LRMDA: variants seen among roughly 807,000 people sequenced by gnomAD.
LRMDA encodes leucine-rich melanocyte differentiation-associated protein.
LRMDA carries 18 observed loss-of-function variants against 29.8 expected under a neutral mutation model. The observed-to-expected ratio is 0.60, with a 90% CI of 0.42 to 0.90. The LOEUF (loss-of-function observed/expected upper bound fraction) is 0.90. Among genes scored for constraint, LRMDA ranks in the 40% least tolerant of loss-of-function variants. The pLI is 0.00. For synonymous variants in LRMDA, 125 were observed against 109.4 expected (o/e 1.14, Z -0.89); for missense variants, 273 against 273.9 (o/e 1.00, Z 0.02).
chr10:75,901,049 C>T (rs1845662334), intron 2 of LRMDA, among the ~76,000 whole-genome samples: 1 of 151,996 alleles, frequency 6.6e-6, no homozygotes, highest in African/African-American at 2.4e-5. Flanking sequence ...CAACAACAGA[C>T]AATTCAAGAT....
At chr10:76,360,106 A>G (rs1342485222) in intron 6 of LRMDA, among the ~76,000 whole-genome samples, 1 of 152,100 alleles carries the variant, frequency 6.6e-6, no homozygotes, top group Non-Finnish European at 1.5e-5. Flanking sequence ...CTCCTGCCTC[A>G]GCCTCCTGAG....
intron 5 of LRMDA, among the ~76,000 whole-genome samples, chr10:76,278,192 T>A (rs1480556253): frequency 3.9e-5 from 6 of 152,056 alleles, no homozygotes; most frequent in Non-Finnish European, 7.4e-5. Context: ...AACCCTAGAG[T>A]CTTCTGGCTC....
intron 2 of LRMDA, among the ~76,000 whole-genome samples, chr10:75,567,076 C>G (rs1202725306): frequency 1.3e-5 from 2 of 152,220 alleles, no homozygotes; most frequent in Non-Finnish European, 2.9e-5. Flanking sequence ...CCTGAACCAT[C>G]TAAGAGCCTG....
At chr10:76,266,694 C>G (rs144480670) in intron 5 of LRMDA, among the ~76,000 whole-genome samples, 405 of 152,254 alleles carry the variant, frequency 2.7e-3, no homozygotes, top group Non-Finnish European at 4.7e-3. Flanking sequence ...TTATTTATAA[C>G]TCAGTATATT....
chr10:75,846,231 TTAAAC>T (rs142487616), intron 2 of LRMDA, among the ~76,000 whole-genome samples: 453 of 149,172 alleles, frequency 3.0e-3, no homozygotes, highest in African/African-American at 0.01. Flanking sequence ...GCTTTTCTCT[TTAAAC>T]TAAGCAGGAT....
At chr10:76,207,487 CTTAA>C (rs1851558022) in intron 5 of LRMDA, among the ~76,000 whole-genome samples, 1 of 152,166 alleles carries the variant, frequency 6.6e-6, no homozygotes, top group South Asian at 2.1e-4. Context: ...TTATTACTGA[CTTAA>C]GTATTTATTT....
At chr10:75,902,246 T>C (rs1405029370) in intron 2 of LRMDA, among the ~76,000 whole-genome samples, 1 of 152,062 alleles carries the variant, frequency 6.6e-6, no homozygotes, top group Non-Finnish European at 1.5e-5. Context: ...AGGGAAGAGG[T>C]CATTGCAGGC....
chr10:75,969,339 G>A (rs1846924238), intron 2 of LRMDA, among the ~76,000 whole-genome samples: 1 of 152,162 alleles, frequency 6.6e-6, no homozygotes, highest in African/African-American at 2.4e-5. Context: ...TACCAATAAT[G>A]AGAATCCCTT....
intron 2 of LRMDA, among the ~76,000 whole-genome samples, chr10:75,461,995 C>T (rs964864883): frequency 2.6e-5 from 4 of 152,238 alleles, no homozygotes; most frequent in Admixed American, 1.3e-4. Flanking sequence ...CAATGGCAAT[C>T]GTTTTGCATT....
chr10:76,320,225 A>G (rs1288228251), intron 5 of LRMDA, among the ~76,000 whole-genome samples: 2 of 152,174 alleles, frequency 1.3e-5, no homozygotes, highest in African/African-American at 2.4e-5. Flanking sequence ...AGAGTGCAGT[A>G]TATTAGTGGC....
chr10:75,803,414 CAG>C (rs534870501), intron 2 of LRMDA, among the ~76,000 whole-genome samples: 1 of 152,182 alleles, frequency 6.6e-6, no homozygotes, highest in South Asian at 2.1e-4. Context: ...TTCTTGGTAA[CAG>C]GGTGAAGGCT....
intron 5 of LRMDA, among the ~76,000 whole-genome samples, chr10:76,305,976 C>T (rs1027237869): frequency 1.3e-5 from 2 of 152,148 alleles, no homozygotes; most frequent in African/African-American, 4.8e-5. Context: ...TCCCTTGGCT[C>T]CAATCTACTA....
At chr10:75,638,102 A>G (rs1255157090) in intron 2 of LRMDA, among the ~76,000 whole-genome samples, 5 of 152,090 alleles carry the variant, frequency 3.3e-5, no homozygotes, top group African/African-American at 1.2e-4. Flanking sequence ...TCTTCCACAG[A>G]GTCCCAATAC....
chr10:75,556,954 A>T (rs1427065190), intron 2 of LRMDA, among the ~76,000 whole-genome samples: 2 of 152,124 alleles, frequency 1.3e-5, no homozygotes, highest in African/African-American at 4.8e-5. Context: ...TCTAAAAAAA[A>T]ACTTCAAAAG....
At chr10:76,481,347 C>G (rs1025856060) in intron 6 of LRMDA, among the ~76,000 whole-genome samples, 9 of 151,888 alleles carry the variant, frequency 5.9e-5, no homozygotes, top group African/African-American at 1.9e-4. Context: ...TTTTATTGGC[C>G]TGGTTCCTTT....
At chr10:76,309,669 A>G (rs1840605617) in intron 5 of LRMDA, among the ~76,000 whole-genome samples, 1 of 151,958 alleles carries the variant, frequency 6.6e-6, no homozygotes, top group African/African-American at 2.4e-5. Context: ...CAGCAGAGAG[A>G]TTTTACTTGC....
chr10:75,731,675 T>A (rs1006239672), intron 2 of LRMDA, among the ~76,000 whole-genome samples: 2 of 152,252 alleles, frequency 1.3e-5, no homozygotes, highest in African/African-American at 4.8e-5. Context: ...TGGTAAAGCA[T>A]GTTTCATACT....
intron 5 of LRMDA, among the ~76,000 whole-genome samples, chr10:76,294,139 G>A (rs1230267348): frequency 1.3e-5 from 2 of 152,164 alleles, no homozygotes; most frequent in Non-Finnish European, 2.9e-5. Flanking sequence ...CGGAAAATAC[G>A]TTCTAAACTT....
At chr10:76,294,214 C>T (rs1411390423) in intron 5 of LRMDA, among the ~76,000 whole-genome samples, 2 of 152,162 alleles carry the variant, frequency 1.3e-5, no homozygotes, top group Non-Finnish European at 2.9e-5. Flanking sequence ...TTGTGTTAAT[C>T]CTTCCAAGAG....
Sources: gnomAD v4.1 joint callset for allele counts (sites outside exome capture counted in the v4.1 genomes callset) on GRCh38, gnomAD v4.1.1 for gene constraint, MANE v1.5 for transcripts, NCBI Gene and HGNC (gene_info 2026-07-23, HGNC 2026-07-21) for gene names.